Variants in SYNPR observed in about 807,000 individuals in gnomAD.
SYNPR encodes synaptoporin.
Under a neutral mutation model 32.9 loss-of-function variants are expected in SYNPR, and 23 were observed. The observed-to-expected ratio is 0.70, with a 90% CI of 0.50 to 0.99. SYNPR has a LOEUF of 0.99. Ranked by LOEUF, SYNPR falls within the 50% of genes least tolerant of loss-of-function variation. The pLI is 0.00. For missense variants in SYNPR, 318 were observed against 349.3 expected (o/e 0.91, Z 0.71); for synonymous variants, 146 against 135.9 (o/e 1.07, Z -0.52).
intron 2 of SYNPR, among the ~76,000 whole-genome samples, chr3:63,402,366 G>T (rs948871992): frequency 2.0e-5 from 3 of 152,134 alleles, no homozygotes; most frequent in Non-Finnish European, 2.9e-5. Flanking sequence ...TCCCCCAGTT[G>T]AGAACCACTG....
chr3:63,510,915 C>CTGTGTGTGTGTGTGTGTGTGTGTG (rs755622968), intron 3 of SYNPR, among the ~76,000 whole-genome samples: 12,309 of 148,892 alleles, frequency 0.083, 624 homozygotes, highest in Middle Eastern at 0.12. Context: ...AAAGGTACAA[C>CTGTGTGTGTGTGTGTGTGTGTGTG]TGTGTGTGTG....
chr3:63,294,887 G>T (rs1468536763), intron 2 of SYNPR, among the ~76,000 whole-genome samples: 1 of 151,986 alleles, frequency 6.6e-6, no homozygotes, highest in East Asian at 1.9e-4. Flanking sequence ...TATATATGTG[G>T]CTGAGACACA....
intron 3 of SYNPR, 27 bp downstream of exon 3, chr3:63,480,983 A>T: frequency 6.2e-7 from 1 of 1,603,868 alleles, no homozygotes; most frequent in Non-Finnish European, 8.5e-7. Flanking sequence ...CATGCTTGTT[A>T]GCCTCACAGG....
intron 3 of SYNPR, among the ~76,000 whole-genome samples, chr3:63,500,455 C>G (rs1289055899): frequency 6.6e-6 from 1 of 152,036 alleles, no homozygotes; most frequent in Admixed American, 6.6e-5. Context: ...AAAATGAGTA[C>G]AATATCAGCC....
intron 3 of SYNPR, chr3:63,545,461 A>C (rs1159905814): frequency 3.3e-5 from 5 of 152,124 alleles, no homozygotes; most frequent in Non-Finnish European, 5.9e-5. Context: ...TACCACCCTG[A>C]ACACGCCCTG....
intron 2 of SYNPR, among the ~76,000 whole-genome samples, chr3:63,322,562 C>T (rs2087122264): frequency 6.6e-6 from 1 of 152,042 alleles, no homozygotes; most frequent in South Asian, 2.1e-4. Context: ...AAAAGTATTT[C>T]TGATTATATG....
intron 3 of SYNPR, among the ~76,000 whole-genome samples, chr3:63,538,826 A>T (rs1330760430): frequency 6.6e-6 from 1 of 152,172 alleles, no homozygotes; most frequent in African/African-American, 2.4e-5. Flanking sequence ...ATTACACTGC[A>T]TTATCATGGC....
At chr3:63,210,082 T>C in the SYNPR span, among the ~76,000 whole-genome samples, 4 of 152,222 alleles carry the variant, frequency 2.6e-5, no homozygotes, top group East Asian at 1.9e-4. Flanking sequence ...GTGAATATAA[T>C]TGTGGAAACT....
chr3:63,385,876 C>G (rs1379556552), intron 2 of SYNPR, among the ~76,000 whole-genome samples: 2 of 152,124 alleles, frequency 1.3e-5, no homozygotes, highest in African/African-American at 4.8e-5. Context: ...TGAGACAAAA[C>G]AAATGGGGGT....
intron 2 of SYNPR, among the ~76,000 whole-genome samples, chr3:63,377,809 A>G (rs1346879672): frequency 1.3e-5 from 2 of 152,066 alleles, no homozygotes; most frequent in African/African-American, 4.8e-5. Context: ...TAAAACAAGT[A>G]TAATGGAAAT....
At chr3:63,591,112 A>T (rs1041002604) in intron 4 of SYNPR, among the ~76,000 whole-genome samples, 1 of 150,848 alleles carries the variant, frequency 6.6e-6, no homozygotes, top group African/African-American at 2.4e-5. Flanking sequence ...ATTTACGAGA[A>T]AAAAACAAAC....
intron 3 of SYNPR, among the ~76,000 whole-genome samples, chr3:63,527,507 A>G (rs1428249689): frequency 6.6e-6 from 1 of 152,214 alleles, no homozygotes; most frequent in Non-Finnish European, 1.5e-5. Context: ...AAAAATGGTG[A>G]CATTGCTTTG....
intron 3 of SYNPR, among the ~76,000 whole-genome samples, chr3:63,545,096 G>C (rs1357669576): frequency 1.3e-5 from 2 of 151,886 alleles, no homozygotes; most frequent in Admixed American, 6.6e-5. Flanking sequence ...GAAGTGAAAG[G>C]GTGCTGGAAA....
chr3:63,394,928 T>C (rs1230764736), intron 2 of SYNPR, among the ~76,000 whole-genome samples: 1 of 152,220 alleles, frequency 6.6e-6, no homozygotes, highest in Non-Finnish European at 1.5e-5. Context: ...ATAATTTATC[T>C]AATGAAATCT....
chr3:63,539,892 C>T (rs2106801662), intron 3 of SYNPR, among the ~76,000 whole-genome samples: 1 of 152,264 alleles, frequency 6.6e-6, no homozygotes, highest in Non-Finnish European at 1.5e-5. Context: ...TACCCACTGA[C>T]TTCCACCCTC....
chr3:63,483,169 T>C (rs1027231988), intron 3 of SYNPR, among the ~76,000 whole-genome samples: 2 of 152,214 alleles, frequency 1.3e-5, no homozygotes, highest in Non-Finnish European at 2.9e-5. Flanking sequence ...GTAATGCATG[T>C]AATATGCATG....
Position 63,615,208 on chromosome 3 carries a change from T to A in SYNPR, c.601-16T>A. ...TTGTCTAGTCTATCAATTCATTGGC[T>A]TTGATTCTCCTTCAGGTCTTTGGAT... On this transcript the variant is annotated splice_polypyrimidine_tract_variant and intron_variant, in intron 5 of 5. Transcript: ENST00000478300. 1 of 1,611,102 alleles carries A rather than the reference T, an allele frequency of 6.2e-7. No homozygotes were observed. Among genetic ancestry groups the A allele is most frequent in the Non-Finnish European group, 8.5e-7 (1 of 1,178,216 alleles).
At chr3:63,519,472 G>A (rs1701865474) in intron 3 of SYNPR, among the ~76,000 whole-genome samples, 1 of 152,174 alleles carries the variant, frequency 6.6e-6, no homozygotes, top group African/African-American at 2.4e-5. Context: ...TTCTTCGTGA[G>A]CAGAGCAGAG....
chr3:63,406,031 C>A (rs1329060105), intron 2 of SYNPR, among the ~76,000 whole-genome samples: 1 of 152,018 alleles, frequency 6.6e-6, no homozygotes. Flanking sequence ...CATCGAGGAT[C>A]AGAGAGGTTC....
Sources: allele counts gnomAD v4.1 joint callset (sites outside exome capture counted in the v4.1 genomes callset), GRCh38; gene constraint gnomAD v4.1.1; transcripts MANE v1.5; gene names NCBI Gene and HGNC (gene_info 2026-07-23, HGNC 2026-07-21).